Variants in INPP5B observed in about 807,000 individuals in gnomAD.
INPP5B encodes the protein inositol polyphosphate-5-phosphatase B.
INPP5B carries 90 observed loss-of-function variants against 118.5 expected under a neutral mutation model. That is an observed-to-expected ratio of 0.76 (90% CI 0.64 to 0.90). The LOEUF is 0.90. Ranked by LOEUF, INPP5B falls within the 40% of genes least tolerant of loss-of-function variation. INPP5B has a pLI of 0.00. For synonymous variants in INPP5B, 385 were observed against 418.9 expected (o/e 0.92, Z 0.99); for missense variants, 984 against 1,125.6 (o/e 0.87, Z 1.80).
At chr1:37,866,996 G>A (rs776618055) in intron 20 of INPP5B, among the ~76,000 whole-genome samples, 9 of 152,260 alleles carry the variant, frequency 5.9e-5, no homozygotes, top group Non-Finnish European at 1.2e-4. Context: ...AACTTTGGGA[G>A]GCAGAGGCGG....
Position 37,931,896 on chromosome 1 carries a change from C to T in INPP5B, c.532+17G>A, listed in dbSNP as rs779901785. On this transcript the variant is annotated intron_variant, in intron 7 of 23. Coordinates refer to ENST00000373024, the MANE Select transcript of INPP5B (RefSeq NM_005540.3). ...CCTCCTCCAATCCCCACCGTTTCTT[C>T]CGGGACGGATACCTGCCTCCGCCAA... is the stretch of plus-strand genomic sequence containing the variant. 19 of 1,613,844 alleles carry T rather than the reference C, an allele frequency of 1.2e-5. No homozygotes were observed. The highest frequency in any genetic ancestry group is 1.6e-5 in the Non-Finnish European group (19 of 1,180,050).
At position 37,908,353 on chromosome 1, in the gene INPP5B, T is replaced by C. The variant is rs117277826; in HGVS notation, c.533-16899A>G. The stretch of plus-strand genomic sequence containing the variant: ...GTAAGCAGTCTTTTCACTCTTCTCA[T>C]GCCTCTCTTGCTACCCTTCAATCTT... On this transcript the variant is annotated intron_variant, in intron 7 of 23. Coordinates refer to ENST00000373024, the MANE Select transcript of INPP5B (RefSeq NM_005540.3). Among the ~76,000 whole-genome samples, 144 of 152,322 alleles carry C rather than the reference T, an allele frequency of 9.5e-4. 1 individual carries two copies. In the East Asian group the frequency reaches 0.028, roughly 29 times the overall value.
intron 11 of INPP5B, 119 bp from the exon 12 acceptor site, chr1:37,887,123 A>C (rs770841662): frequency 4.8e-6 from 4 of 825,502 alleles, no homozygotes; most frequent in Admixed American, 4.1e-5. Context: ...ACACTAGAAC[A>C]CAGGTAATCA....
At chr1:37,863,268 C>T (rs1641816684) in intron 23 of INPP5B, among the ~76,000 whole-genome samples, 1 of 151,076 alleles carries the variant, frequency 6.6e-6, no homozygotes, top group Non-Finnish European at 1.5e-5. Context: ...GTAATCCCAG[C>T]ACTTTGGGAG....
At position 37,943,833 on chromosome 1, in the gene INPP5B, C is replaced by G; in HGVS notation, c.213G>C (p.Gln71His). 1 of 1,614,194 alleles carries G rather than the reference C, an allele frequency of 6.2e-7. No individual in the cohort carries two copies. The highest frequency in any genetic ancestry group is 8.5e-7 in the Non-Finnish European group (1 of 1,180,042). ...AITGDDVSLD[Q>H]IVPVSRDFTL... ...TAAAATCCCGCGAGACTGGCACTAT[C>G]TGGTCCAGAGAGACATCGTCCCCGG... is the stretch of plus-strand genomic sequence containing the variant. The change falls in exon 4 of 24, where the codon CAG becomes CAC. Residue 71 changes from glutamine to histidine, a missense_variant. Physicochemically the swap from Gln to His is conservative, Grantham distance 24 (BLOSUM62 0). Around this residue, in one of 2 missense-constraint regions of INPP5B, gnomAD observed 350 missense variants for 334.6 expected, o/e 1.05. Transcript: ENST00000373024.
At chr1:37,933,656 G>A (rs1437117240) in intron 6 of INPP5B, among the ~76,000 whole-genome samples, 2 of 151,858 alleles carry the variant, frequency 1.3e-5, no homozygotes, top group Non-Finnish European at 2.9e-5. Flanking sequence ...GGAGGTGGAG[G>A]TTGCAGTGAG....
intron 8 of INPP5B, among the ~76,000 whole-genome samples, chr1:37,890,916 A>G (rs1643801416): frequency 6.6e-6 from 1 of 152,160 alleles, no homozygotes; most frequent in Non-Finnish European, 1.5e-5. Context: ...AAGTGCAAAT[A>G]AATGTCAGGT....
intron 13 of INPP5B, chr1:37,884,372 C>T (rs1019777447): frequency 3.3e-5 from 5 of 152,042 alleles, no homozygotes; most frequent in African/African-American, 1.2e-4. Context: ...TTTCCCCTCC[C>T]CTTCCCTTTC....
intron 3 of INPP5B, among the ~76,000 whole-genome samples, chr1:37,944,789 G>A (rs1386444973): frequency 6.6e-6 from 1 of 150,378 alleles, no homozygotes; most frequent in Non-Finnish European, 1.5e-5. Flanking sequence ...GGAGCGGGAG[G>A]TGGGGCGGGG....
chr1:37,885,363 T>C, intron 13 of INPP5B: 1 of 265,116 alleles, frequency 3.8e-6, no homozygotes, highest in Admixed American at 4.8e-5. Flanking sequence ...GTAGTGAGCC[T>C]AGATCACGCC....
At chr1:37,931,538 C>G in intron 7 of INPP5B, 1 of 1,536,572 alleles carries the variant, frequency 6.5e-7, no homozygotes, top group Non-Finnish European at 8.7e-7. Context: ...GTCCCAGCCT[C>G]CAGAGGGCCA....
chr1:37,888,446 G>T, intron 9 of INPP5B, 102 bp from the exon 10 acceptor site: 1 of 628,072 alleles, frequency 1.6e-6, no homozygotes, highest in Non-Finnish European at 2.6e-6. Flanking sequence ...CTGTGGACTG[G>T]CATTTTGAGA....
chr1:37,915,437 G>C (rs1300820259), intron 7 of INPP5B, among the ~76,000 whole-genome samples: 1 of 152,206 alleles, frequency 6.6e-6, no homozygotes, highest in Admixed American at 6.5e-5. Flanking sequence ...GTCAGTTCAA[G>C]CAAGTCTTAC....
At chr1:37,944,425 T>A (rs1646043847) in intron 3 of INPP5B, among the ~76,000 whole-genome samples, 2 of 152,090 alleles carry the variant, frequency 1.3e-5, no homozygotes, top group Admixed American at 6.5e-5. Flanking sequence ...TTATATTTTT[T>A]AAATTATTTG....
chr1:37,891,130 G>A (rs901268028), intron 8 of INPP5B, among the ~76,000 whole-genome samples: 1 of 152,060 alleles, frequency 6.6e-6, no homozygotes, highest in East Asian at 1.9e-4. Flanking sequence ...AGAAAGCTGA[G>A]GCAGGAGAAT....
intron 7 of INPP5B, among the ~76,000 whole-genome samples, chr1:37,897,177 C>T (rs1001231694): frequency 7.9e-5 from 12 of 151,662 alleles, no homozygotes; most frequent in African/African-American, 2.4e-4. Context: ...TGCCTGGCCG[C>T]GCCTACTGGG....
rs115450360 is a variant in INPP5B at position 37,890,048 on chromosome 1, C to A, written c.630-324G>T. ...AACCCAGTGTCATTAACGCCTCACC[C>A]ACATGAATGGTGGCAGAGTATGGGA... is the stretch of plus-strand genomic sequence containing the variant. On this transcript the variant is annotated intron_variant, in intron 8 of 23. Transcript: ENST00000373024. Among the ~76,000 whole-genome samples, 419 of 152,224 alleles carry A rather than the reference C, an allele frequency of 2.8e-3. 5 individuals are homozygous for A. The highest frequency in any genetic ancestry group is 9.6e-3 in the African/African-American group (398 of 41,532).
chr1:37,915,642 G>A (rs566301620), intron 7 of INPP5B, among the ~76,000 whole-genome samples: 4 of 152,352 alleles, frequency 2.6e-5, no homozygotes, highest in Admixed American at 2.6e-4. Context: ...ATTCACATAT[G>A]CTGTATTTGT....
rs1490983558 is a variant in INPP5B at position 37,946,242 on chromosome 1, G to A, written c.57+10C>T. The A allele has an allele frequency of 6.2e-7, 1 of 1,608,482 alleles. No homozygotes were observed. Among genetic ancestry groups the A allele is most frequent in the Non-Finnish European group, 8.5e-7 (1 of 1,177,266 alleles). ...CAGGCTCAGGGCCGCAGTTAGCACA[G>A]GAAGGATATGATGACGCAGTATTCC... On this transcript the variant is annotated intron_variant, in intron 2 of 23. Transcript: ENST00000373024.
Sources: allele counts gnomAD v4.1 joint callset (sites outside exome capture counted in the v4.1 genomes callset), GRCh38; gene constraint gnomAD v4.1.1; regional missense constraint gnomAD v4.1.1; transcripts MANE v1.5; gene names NCBI Gene and HGNC (gene_info 2026-07-23, HGNC 2026-07-21).